Variants in RPAP2 observed in about 807,000 individuals in gnomAD.
RPAP2 encodes putative RNA polymerase II subunit B1 CTD phosphatase RPAP2.
In RPAP2, 52 loss-of-function variants were observed where a neutral mutation model predicts 73.1. The observed-to-expected ratio is 0.71, with a 90% CI of 0.57 to 0.90. The LOEUF is 0.90. Ranked by LOEUF, RPAP2 falls within the 40% of genes least tolerant of loss-of-function variation. The pLI is 0.00. For missense variants in RPAP2, 598 were observed against 701.8 expected (o/e 0.85, Z 1.67); for synonymous variants, 225 against 242.1 (o/e 0.93, Z 0.65).
At chr1:92,355,012 C>T (rs1264814279) in intron 11 of RPAP2, among the ~76,000 whole-genome samples, 1 of 151,726 alleles carries the variant, frequency 6.6e-6, no homozygotes, top group Non-Finnish European at 1.5e-5. Flanking sequence ...AATCGTCCCA[C>T]CTCAACCTCC....
chr1:92,345,264 G>A (rs1005862510), intron 10 of RPAP2, among the ~76,000 whole-genome samples: 4 of 151,722 alleles, frequency 2.6e-5, no homozygotes, highest in African/African-American at 4.8e-5. Context: ...TACTCAAGAG[G>A]CTGAGTCAGG....
intron 11 of RPAP2, among the ~76,000 whole-genome samples, chr1:92,359,686 A>G (rs1186679054): frequency 6.6e-6 from 1 of 152,246 alleles, no homozygotes. Context: ...ATTTAGGCAG[A>G]TTATCAGTTA....
intron 11 of RPAP2, among the ~76,000 whole-genome samples, chr1:92,350,594 C>T (rs764620921): frequency 6.6e-6 from 1 of 152,136 alleles, no homozygotes; most frequent in Non-Finnish European, 1.5e-5. Flanking sequence ...AGGCTCTTTC[C>T]ACAATCTTTG....
chr1:92,320,579 T>C lies in RPAP2; in HGVS notation c.489-20T>C, dbSNP rs1425436043. Reference sequence around the variant, plus strand: ...GCCACCGCACCCGGCCTAATTTTTATTTCTGTGTTCTTATTACAGGCATCC... The same window carrying C: ...GCCACCGCACCCGGCCTAATTTTTACTTCTGTGTTCTTATTACAGGCATCC... On this transcript the variant is annotated intron_variant, in intron 6 of 12. Transcript: ENST00000610020. The C allele has an allele frequency of 6.2e-7, 1 of 1,607,820 alleles. No individual in the cohort carries two copies. The highest frequency in any genetic ancestry group is 1.3e-5 in the African/African-American group (1 of 74,850).
At chr1:92,323,237 ATATAT>A (rs1652414022) in intron 7 of RPAP2, among the ~76,000 whole-genome samples, 1 of 151,660 alleles carries the variant, frequency 6.6e-6, no homozygotes, top group Non-Finnish European at 1.5e-5. Context: ...ATATCAAAAA[ATATAT>A]TATTAACAGA....
chr1:92,324,257 T>C lies in RPAP2; in HGVS notation c.1337T>C (p.Leu446Pro), dbSNP rs1295212392. Residue 446 changes from leucine (L) to proline (P), a missense_variant, in exon 8 of 13, where the codon CTG becomes CCG. Transcript: ENST00000610020. ...FRGSGTAIKP[L>P]PSYENLKKET... ...GGCTCAGGTACAGCCATTAAACCAC[T>C]GCCAAGTTACGAGAATTTGAAAAAA... 4 of 1,613,948 alleles carry C rather than the reference T, an allele frequency of 2.5e-6. No homozygotes were observed. The highest frequency in any genetic ancestry group is 3.4e-6 in the Non-Finnish European group (4 of 1,179,982).
At chr1:92,381,157 G>A (rs1182025619) in intron 12 of RPAP2, among the ~76,000 whole-genome samples, 2 of 152,058 alleles carry the variant, frequency 1.3e-5, no homozygotes, top group East Asian at 3.9e-4. Context: ...TCAAGTGTAG[G>A]CTATCCCACA....
In RPAP2 at chr1:92,345,920, T is replaced by G. The variant is rs2101306791; in HGVS notation, c.1688+6T>G. ...GCTATGGTGTTGCTGTCATTGTAAG[T>G]ACTCTCTCAGATTTTAACTCTAAAT... On this transcript the variant is annotated splice_donor_region_variant and intron_variant, in intron 11 of 12. Coordinates refer to ENST00000610020, the MANE Select transcript of RPAP2 (RefSeq NM_024813.3). 1 of 1,582,184 alleles carries G rather than the reference T, an allele frequency of 6.3e-7. No homozygotes were observed. The highest frequency in any genetic ancestry group is 1.1e-5 in the South Asian group (1 of 89,638).
rs745983059 is a variant in RPAP2 at position 92,392,860 on chromosome 1, G to A, written c.*5849G>A. ...ACAAACAAATGGAAAAACATTCCAT[G>A]CTCATGGATAGGAAGAATCAATATC... On this transcript the variant is annotated 3_prime_UTR_variant, in exon 13 of 13. Coordinates refer to ENST00000610020, the MANE Select transcript of RPAP2 (RefSeq NM_024813.3). 1.3e-5 allele frequency: 2 copies of A among 152,174 alleles called. No homozygotes were observed. The highest frequency in any genetic ancestry group is 2.9e-5 in the Non-Finnish European group (2 of 68,032). 9.4% of individuals were successfully genotyped at this position (152,174 alleles called of 1,614,324 possible).
In RPAP2 at chr1:92,323,774, A is replaced by G. The variant is rs771625472; in HGVS notation, c.854A>G (p.Asp285Gly). 6.2e-7 allele frequency: 1 copy of G among 1,614,132 alleles called. No homozygotes were observed. The highest frequency in any genetic ancestry group is 1.1e-5 in the South Asian group (1 of 91,086). Residue 285 changes from aspartate (D) to glycine (G), a missense_variant, in exon 8 of 13, where the codon GAT becomes GGT. Around this residue, in one of 3 missense-constraint regions of RPAP2, gnomAD observed 506 missense variants for 612.8 expected, o/e 0.83. Transcript: ENST00000610020. The stretch of plus-strand genomic sequence containing the variant: ...TGCAAATTAGATAGTCAGGAGAAAG[A>G]TGCTACATGTGAACTTCCTTTACAG... The part of the protein sequence containing the change: ...GDCKLDSQEK[D>G]ATCELPLQKV...
intron 11 of RPAP2, among the ~76,000 whole-genome samples, chr1:92,367,083 A>C (rs1173333809): frequency 6.6e-6 from 1 of 152,202 alleles, no homozygotes; most frequent in Non-Finnish European, 1.5e-5. Context: ...TTTGTGATAA[A>C]GGTCTCCACT....
At position 92,299,071 on chromosome 1, in the gene RPAP2, C is replaced by T; in HGVS notation, c.-3C>T. On this transcript the variant is annotated 5_prime_UTR_variant, in exon 1 of 13. Transcript: ENST00000610020. ...GTCCCCGTCCGGCAGACTACTCTCC[C>T]CCATGGCGGACTTCGCTGGGCCGTC... The T allele has an allele frequency of 6.7e-7, 1 of 1,502,638 alleles. No individual in the cohort carries two copies. Among genetic ancestry groups the T allele is most frequent in the Non-Finnish European group, 8.9e-7 (1 of 1,119,198 alleles). The allele number at this position is 1,502,638 out of a possible 1,614,324, so 93.1% of individuals were successfully genotyped here. A position where few individuals can be genotyped will look rare whatever the true frequency, so the allele number is the denominator to read the frequency against.
At chr1:92,381,199 T>C (rs2101448775) in intron 12 of RPAP2, among the ~76,000 whole-genome samples, 1 of 152,312 alleles carries the variant, frequency 6.6e-6, no homozygotes, top group East Asian at 1.9e-4. Flanking sequence ...TCCCAGGAAG[T>C]AGCAGTTTAC....
chr1:92,328,154 G>A (rs1004782216), intron 8 of RPAP2, among the ~76,000 whole-genome samples: 1 of 152,154 alleles, frequency 6.6e-6, no homozygotes, highest in African/African-American at 2.4e-5. Context: ...TTTTTATGAT[G>A]AGTTTCCCAG....
At chr1:92,329,943 T>C (rs1052477002) in intron 8 of RPAP2, among the ~76,000 whole-genome samples, 1 of 152,054 alleles carries the variant, frequency 6.6e-6, no homozygotes, top group Non-Finnish European at 1.5e-5. Flanking sequence ...AGCGTGAAAA[T>C]GTGGTCAGAA....
At chr1:92,345,720 A>G (rs1653853935) in intron 10 of RPAP2, 126 bp from the exon 11 acceptor site, 2 of 603,890 alleles carry the variant, frequency 3.3e-6, no homozygotes, top group East Asian at 2.8e-5. Context: ...TTCCTGTCAA[A>G]TATAACAAGT....
chr1:92,345,437 A>AAGGG (rs1030616221), intron 10 of RPAP2, among the ~76,000 whole-genome samples: 1 of 133,288 alleles, frequency 7.5e-6, no homozygotes, highest in Non-Finnish European at 1.6e-5. Context: ...GGAAGGAAGG[A>AAGGG]AGGGAGGGAG....
chr1:92,360,431 G>A (rs1654679760), intron 11 of RPAP2, among the ~76,000 whole-genome samples: 1 of 152,128 alleles, frequency 6.6e-6, no homozygotes, highest in South Asian at 2.1e-4. Flanking sequence ...TCTTATGGTT[G>A]GCAAAAGCAG....
intron 11 of RPAP2, chr1:92,363,810 T>A (rs896244677): frequency 1.8e-5 from 5 of 271,282 alleles, no homozygotes; most frequent in Non-Finnish European, 2.9e-5. Context: ...GCTTAACATT[T>A]TTTTTCCTCT....
Sources: allele counts gnomAD v4.1 joint callset (sites outside exome capture counted in the v4.1 genomes callset), GRCh38; gene constraint gnomAD v4.1.1; regional missense constraint gnomAD v4.1.1; transcripts MANE v1.5; gene names NCBI Gene and HGNC (gene_info 2026-07-23, HGNC 2026-07-21).